MARCHF1: variants seen among roughly 807,000 people sequenced by gnomAD.
MARCHF1 encodes the protein membrane associated ring-CH-type finger 1.
A neutral mutation model predicts 54.2 loss-of-function variants in MARCHF1; 40 were observed. The observed-to-expected ratio is 0.74, with a 90% CI of 0.57 to 0.96. The LOEUF is 0.96. Among genes scored for constraint, MARCHF1 ranks in the 40% least tolerant of loss-of-function variants. The probability of loss-of-function intolerance (pLI) is 0.00; values close to 1 mark genes in which losing one functional copy is unlikely to be tolerated. For missense variants in MARCHF1, 586 were observed against 656.5 expected (o/e 0.89, Z 1.17); for synonymous variants, 236 against 236.3 (o/e 1.00, Z 0.01).
At chr4:163,818,573 G>A (rs1462350427) in intron 4 of MARCHF1, among the ~76,000 whole-genome samples, 2 of 151,882 alleles carry the variant, frequency 1.3e-5, no homozygotes, top group Admixed American at 6.6e-5. Flanking sequence ...TCATTCCCAC[G>A]TTGCTCTGGC....
intron 8 of MARCHF1, among the ~76,000 whole-genome samples, chr4:163,547,913 G>A (rs902556667): frequency 6.6e-6 from 1 of 152,084 alleles, no homozygotes; most frequent in African/African-American, 2.4e-5. Flanking sequence ...CTTGTACTTT[G>A]TTTTTTATCA....
intron 3 of MARCHF1, among the ~76,000 whole-genome samples, chr4:163,908,332 T>A (rs1276353296): frequency 6.6e-6 from 1 of 152,018 alleles, no homozygotes; most frequent in East Asian, 1.9e-4. Flanking sequence ...CTTAAAGATA[T>A]CTAGACACCA....
chr4:163,842,679 G>T (rs1181424413), intron 4 of MARCHF1, among the ~76,000 whole-genome samples: 1 of 152,094 alleles, frequency 6.6e-6, no homozygotes. Flanking sequence ...CACGTAGTAT[G>T]TATTCAATAA....
At chr4:163,821,601 T>C (rs1157448060) in intron 4 of MARCHF1, among the ~76,000 whole-genome samples, 1 of 152,030 alleles carries the variant, frequency 6.6e-6, no homozygotes, top group Non-Finnish European at 1.5e-5. Flanking sequence ...AAAATTTTGT[T>C]AGCAGAATTA....
At chr4:164,023,829 A>C (rs1317901832) in intron 2 of MARCHF1, among the ~76,000 whole-genome samples, 1 of 152,212 alleles carries the variant, frequency 6.6e-6, no homozygotes, top group East Asian at 1.9e-4. Context: ...AATCTAAAAA[A>C]TCCAAGTAAT....
At chr4:164,126,129 G>A (rs1402688777) in intron 1 of MARCHF1, among the ~76,000 whole-genome samples, 3 of 152,188 alleles carry the variant, frequency 2.0e-5, no homozygotes, top group Non-Finnish European at 2.9e-5. Context: ...GCTAAGGTCT[G>A]GATGCTTTTG....
chr4:163,742,397 C>CCCTTCCTTCCTTCCTTCCTT lies in MARCHF1; in HGVS notation c.112-41554_112-41535dup, dbSNP rs201806407. 5.4e-3 allele frequency among the ~76,000 whole-genome samples: 491 copies of CCCTTCCTTCCTTCCTTCCTT among 91,286 alleles called. 2 individuals carry two copies. The highest frequency in any genetic ancestry group is 0.018 in the African/African-American group (463 of 25,114). The allele number at this position is 91,286 out of a possible 152,430, so 59.9% of individuals were successfully genotyped here. ...CTCCCTCGCTACCTCCTTCCTTCCT[C>CCCTTCCTTCCTTCCTTCCTT]CCTTCCTTCCTTCCTTCCTTCCTTC... On this transcript the variant is annotated intron_variant, in intron 4 of 9. Transcript: ENST00000514618.
intron 1 of MARCHF1, among the ~76,000 whole-genome samples, chr4:164,216,844 G>A (rs949267913): frequency 3.3e-5 from 5 of 152,086 alleles, no homozygotes; most frequent in Admixed American, 1.3e-4. Flanking sequence ...CATTTCCATC[G>A]TTCTCTGTTG....
At chr4:163,716,216 AAAC>A (rs555620675) in intron 4 of MARCHF1, among the ~76,000 whole-genome samples, 8 of 134,404 alleles carry the variant, frequency 6.0e-5, no homozygotes, top group East Asian at 1.9e-4. Flanking sequence ...CAATTTATGT[AAAC>A]AACAACAACA....
intron 2 of MARCHF1, among the ~76,000 whole-genome samples, chr4:164,000,786 A>C (rs1266910235): frequency 2.0e-5 from 3 of 151,712 alleles, no homozygotes; most frequent in Non-Finnish European, 4.4e-5. Flanking sequence ...TTTAAATTTG[A>C]CAGCTTTTCT....
rs151007145 is a variant in MARCHF1, at chr4:163,616,083, A to G, written c.163-2690T>C. Among the ~76,000 whole-genome samples the G allele has an allele frequency of 1.4e-3, 213 of 152,284 alleles. 1 individual carries two copies. Among genetic ancestry groups the G allele is most frequent in the African/African-American group, 5.1e-3 (211 of 41,582 alleles). On this transcript the variant is annotated intron_variant, in intron 5 of 9. Transcript: ENST00000514618. ...AAAATCAACTCAAAATGAATTAAAG[A>G]CTTAAATATAGACCCAAAACTAAAA...
chr4:164,225,814 A>G (rs1732236367), intron 1 of MARCHF1, among the ~76,000 whole-genome samples: 1 of 152,054 alleles, frequency 6.6e-6, no homozygotes, highest in Non-Finnish European at 1.5e-5. Flanking sequence ...TTATTCACTA[A>G]GTTTACCAGG....
chr4:163,596,107 T>C (rs1560963731), intron 7 of MARCHF1, among the ~76,000 whole-genome samples: 1 of 151,954 alleles, frequency 6.6e-6, no homozygotes, highest in Non-Finnish European at 1.5e-5. Context: ...AGAGAACAGA[T>C]ATTTTATAAA....
At chr4:163,603,974 C>T (rs1200062450) in intron 7 of MARCHF1, among the ~76,000 whole-genome samples, 1 of 152,064 alleles carries the variant, frequency 6.6e-6, no homozygotes. Context: ...ACTTTTTATA[C>T]TCTCCCTTTT....
At chr4:163,978,895 T>A (rs565776899) in intron 3 of MARCHF1, among the ~76,000 whole-genome samples, 2 of 151,954 alleles carry the variant, frequency 1.3e-5, no homozygotes, top group African/African-American at 2.4e-5. Flanking sequence ...ATAATTTTTG[T>A]TTTGAATATT....
At chr4:163,871,899 A>C (rs1391131077) in intron 3 of MARCHF1, among the ~76,000 whole-genome samples, 5 of 152,194 alleles carry the variant, frequency 3.3e-5, no homozygotes, top group Non-Finnish European at 7.3e-5. Context: ...ACAATTAATA[A>C]TTTCATGACC....
intron 5 of MARCHF1, among the ~76,000 whole-genome samples, chr4:163,647,068 G>T (rs997752967): frequency 6.6e-6 from 1 of 152,064 alleles, no homozygotes; most frequent in Admixed American, 6.6e-5. Flanking sequence ...GATGGGAAAA[G>T]ATATTCCATG....
intron 4 of MARCHF1, among the ~76,000 whole-genome samples, chr4:163,775,971 T>C (rs113399470): frequency 0.012 from 1,884 of 152,254 alleles, 17 homozygotes; most frequent in Non-Finnish European, 0.02. Context: ...GCAATGGTCC[T>C]AAAAACTTGG....
intron 3 of MARCHF1, among the ~76,000 whole-genome samples, chr4:163,899,884 T>A: frequency 7.5e-6 from 1 of 134,176 alleles, no homozygotes; most frequent in Non-Finnish European, 1.7e-5. Context: ...CTTTTTCTTT[T>A]TTTCTTTTTT....
Sources: gnomAD v4.1 joint callset for allele counts (sites outside exome capture counted in the v4.1 genomes callset) on GRCh38, gnomAD v4.1.1 for gene constraint, MANE v1.5 for transcripts, NCBI Gene and HGNC (gene_info 2026-07-23, HGNC 2026-07-21) for gene names.